The following BIN1 variants were observed in gnomAD, a reference collection of about 807,000 sequenced individuals.
BIN1 encodes myc box-dependent-interacting protein 1.
In BIN1, 53 loss-of-function variants were observed where a neutral mutation model predicts 82.0. That is an observed-to-expected ratio of 0.65 (90% CI 0.52 to 0.81). BIN1 has a LOEUF of 0.81. Ranked by LOEUF, BIN1 falls within the 40% of genes least tolerant of loss-of-function variation. The pLI is 0.00. For missense variants in BIN1, 642 were observed against 784.4 expected, an observed-to-expected ratio of 0.82 and a Z score of 2.17; for synonymous variants, 302 against 328.0, an observed-to-expected ratio of 0.92 and a Z score of 0.86.
intron 15 of BIN1, among the ~76,000 whole-genome samples, chr2:127,051,559 A>G (rs546202429): frequency 1.8e-4 from 27 of 152,198 alleles, no homozygotes; most frequent in Admixed American, 1.8e-3. Context: ...CTCTCTCGGC[A>G]CCAAGACCTC....
At chr2:127,063,108 C>T (rs755138393) in intron 9 of BIN1, among the ~76,000 whole-genome samples, 7 of 152,202 alleles carry the variant, frequency 4.6e-5, no homozygotes, top group Non-Finnish European at 2.9e-5. Flanking sequence ...GAGAAAGGTA[C>T]GCTAATCAGA....
At position 127,057,359 on chromosome 2, in the gene BIN1, ACT is replaced by A. The variant is rs911407523; in HGVS notation, c.1131+112_1131+113del. On this transcript the variant is annotated intron_variant, in intron 12 of 18. Transcript: ENST00000316724. This position sits in a 1 kb window ranked among gnomAD's most constrained non-coding sequence, Gnocchi z 5.0. ...CAAAGGGTGAGAGAGGGAAACTGACACTCTCTCTGGCCAGATTCCTGGCTCTT... is the reference window on the plus strand; with the variant it reads ...CAAAGGGTGAGAGAGGGAAACTGACACTCTCTGGCCAGATTCCTGGCTCTT... The A allele has an allele frequency of 3.0e-6, 4 of 1,321,026 alleles. No individual in the cohort carries two copies. The highest frequency in any genetic ancestry group is 4.0e-6 in the Non-Finnish European group (4 of 1,002,872). The allele number at this position is 1,321,026 out of a possible 1,614,324, so 81.8% of individuals were successfully genotyped here.
At chr2:127,102,497 CA>C (rs1680479599) in intron 1 of BIN1, among the ~76,000 whole-genome samples, 1 of 152,244 alleles carries the variant, frequency 6.6e-6, no homozygotes, top group African/African-American at 2.4e-5. Flanking sequence ...TCAATGTCCT[CA>C]CACCTCTCTC....
chr2:127,106,433 C>T (rs954272653), intron 1 of BIN1, among the ~76,000 whole-genome samples: 9 of 152,220 alleles, frequency 5.9e-5, no homozygotes, highest in African/African-American at 2.2e-4. Flanking sequence ...GGACATACTC[C>T]CTCTCGCCCC....
chr2:127,071,804 G>A (rs762863139), intron 2 of BIN1, among the ~76,000 whole-genome samples: 2 of 152,224 alleles, frequency 1.3e-5, no homozygotes, highest in Non-Finnish European at 2.9e-5. Context: ...GAGCCTCTCT[G>A]AACCTCAGTC....
Position 127,052,272 on chromosome 2 carries a change from C to T in BIN1, c.1354G>A (p.Glu452Lys), listed in dbSNP as rs1284852447. 8 of 1,576,696 alleles carry T rather than the reference C, an allele frequency of 5.1e-6. No homozygotes were observed. The highest frequency in any genetic ancestry group is 1.2e-5 in the South Asian group (1 of 86,054). Residue 452 changes from glutamate to lysine, a missense_variant, in exon 15 of 19, where the codon GAG (glutamate) becomes AAG (lysine). Transcript: ENST00000316724. ...GCACTTACTTGGGCAGGCCCCGGCT[C>T]GGCCGTCTGGCTGGGCCAGGACACA... ...FAVSWPSQTAEPGPAQPAEAS... is the reference protein window; with the variant it reads ...FAVSWPSQTAKPGPAQPAEAS...
In BIN1 at chr2:127,057,667, A is replaced by G; in HGVS notation, c.1003-66T>C. 2.1e-6 allele frequency: 3 copies of G among 1,440,254 alleles called. No homozygotes were observed. Among genetic ancestry groups the G allele is most frequent in the Non-Finnish European group, 2.7e-6 (3 of 1,092,036 alleles). The allele number at this position is 1,440,254 out of a possible 1,614,324, so 89.2% of individuals were successfully genotyped here. A position where few individuals can be genotyped will look rare whatever the true frequency, so the allele number is the denominator to read the frequency against. On this transcript the variant is annotated intron_variant, in intron 11 of 18. Coordinates refer to ENST00000316724, the MANE Select transcript of BIN1 (RefSeq NM_139343.3). The surrounding 1 kb of genome is among the most constrained non-coding windows in gnomAD (Gnocchi z 5.0). ...CAGCAGAGCACGGGGTTTGGGGGAG[A>G]CAGACAGAGACAAAGCCACGGTTAG...
intron 12 of BIN1, among the ~76,000 whole-genome samples, chr2:127,056,861 C>A (rs2104928924): frequency 6.6e-6 from 1 of 152,368 alleles, no homozygotes; most frequent in East Asian, 1.9e-4. Flanking sequence ...CCCAGAGGCA[C>A]CTCCACGGCT....
chr2:127,063,447 G>C, intron 9 of BIN1, 124 bp downstream of exon 9: 1 of 1,068,690 alleles, frequency 9.4e-7, no homozygotes, highest in Non-Finnish European at 1.4e-6. Context: ...AGGGAGCCCT[G>C]TGGTCACCGG....
At chr2:127,092,522 A>T (rs1246197007) in intron 1 of BIN1, among the ~76,000 whole-genome samples, 1 of 152,096 alleles carries the variant, frequency 6.6e-6, no homozygotes, top group Non-Finnish European at 1.5e-5. Flanking sequence ...CTGCTGACTA[A>T]AGGCCCCAAA....
In BIN1 at chr2:127,059,059, C is replaced by T. The variant is rs898231322; in HGVS notation, c.954G>A (p.Pro318=). 4.6e-5 allele frequency: 73 copies of T among 1,579,606 alleles called. No individual in the cohort carries two copies. Among genetic ancestry groups the T allele is most frequent in the Non-Finnish European group, 5.9e-5 (69 of 1,163,412 alleles). ...TGGCCCCGGGCGTGGCCCCGCCGGC[C>T]GGCTCTGGCTCGTGGTTGACTCTGA... The part of the protein sequence containing the change: ...PEIRVNHEPE[P]AGGATPGATL... Residue 318 remains proline (P), a synonymous_variant, in exon 11 of 19, where the codon CCG becomes CCA. Transcript: ENST00000316724. This position sits in a 1 kb window ranked among gnomAD's most constrained non-coding sequence, Gnocchi z 6.7.
intron 8 of BIN1, 43 bp downstream of exon 8, chr2:127,063,890 T>A: frequency 6.2e-7 from 1 of 1,611,256 alleles, no homozygotes; most frequent in Non-Finnish European, 8.5e-7. Flanking sequence ...GCACGCAGAC[T>A]GGACACTGCC....
chr2:127,097,169 C>T (rs1175330560), intron 1 of BIN1, among the ~76,000 whole-genome samples: 1 of 152,198 alleles, frequency 6.6e-6, no homozygotes, highest in Non-Finnish European at 1.5e-5. Context: ...ACAAAAGGAC[C>T]CCTATGGCCA....
Sources: gnomAD v4.1 joint callset for allele counts (sites outside exome capture counted in the v4.1 genomes callset) on GRCh38, gnomAD v4.1.1 for gene constraint, Gnocchi (gnomAD v3.1) non-coding constraint, MANE v1.5 for transcripts, NCBI Gene and HGNC (gene_info 2026-07-23, HGNC 2026-07-21) for gene names.